The following ADGRL3 variants were observed in gnomAD, a reference collection of about 807,000 sequenced individuals.
ADGRL3 encodes calcium-independent alpha-latrotoxin receptor 3.
Under a neutral mutation model 153.5 loss-of-function variants are expected in ADGRL3, and 62 were observed. The observed-to-expected ratio is 0.40, with a 90% CI of 0.33 to 0.50. The LOEUF (loss-of-function observed/expected upper bound fraction) is 0.50. Ranked by LOEUF, ADGRL3 falls within the 20% of genes least tolerant of loss-of-function variation. The pLI is 0.47. For synonymous variants in ADGRL3, 710 were observed against 672.5 expected (o/e 1.06, Z -0.86); for missense variants, 1,641 against 1,859.4 (o/e 0.88, Z 2.16).
intron 2 of ADGRL3, among the ~76,000 whole-genome samples, chr4:61,464,701 G>A (rs1380407539): frequency 6.6e-6 from 1 of 152,058 alleles, no homozygotes; most frequent in Non-Finnish European, 1.5e-5. Flanking sequence ...GCATATAACT[G>A]ATATGGAAGA....
chr4:61,748,374 G>A (rs2096702645), intron 8 of ADGRL3, among the ~76,000 whole-genome samples: 1 of 151,770 alleles, frequency 6.6e-6, no homozygotes, highest in Non-Finnish European at 1.5e-5. Context: ...AAGTTCATAT[G>A]GAACCAAAAA....
At chr4:61,743,619 G>C (rs2096612224) in intron 8 of ADGRL3, among the ~76,000 whole-genome samples, 1 of 152,124 alleles carries the variant, frequency 6.6e-6, no homozygotes, top group Non-Finnish European at 1.5e-5. Flanking sequence ...TATTTAAATA[G>C]TAAGTGAAAG....
intron 1 of ADGRL3, among the ~76,000 whole-genome samples, chr4:61,280,218 T>C: frequency 6.7e-6 from 1 of 149,930 alleles, no homozygotes; most frequent in African/African-American, 2.4e-5. Context: ...CAAGCGATTC[T>C]CCTGACTCAG....
At chr4:61,779,228 A>T (rs951825838) in intron 8 of ADGRL3, among the ~76,000 whole-genome samples, 6 of 152,194 alleles carry the variant, frequency 3.9e-5, no homozygotes, top group Non-Finnish European at 8.8e-5. Context: ...ATGTGCATAT[A>T]GATTACACTT....
intron 11 of ADGRL3, among the ~76,000 whole-genome samples, chr4:61,905,639 G>T (rs2098691893): frequency 6.6e-6 from 1 of 152,088 alleles, no homozygotes; most frequent in Non-Finnish European, 1.5e-5. Flanking sequence ...TCACGCCTAT[G>T]ATCTCAGCAC....
At chr4:61,294,291 G>A (rs1368333425) in intron 1 of ADGRL3, among the ~76,000 whole-genome samples, 1 of 152,012 alleles carries the variant, frequency 6.6e-6, no homozygotes, top group Non-Finnish European at 1.5e-5. Context: ...TTCACTTTCA[G>A]TACAGTATTC....
intron 13 of ADGRL3, among the ~76,000 whole-genome samples, chr4:61,914,317 C>T (rs567854238): frequency 9.8e-4 from 149 of 152,170 alleles, no homozygotes; most frequent in Non-Finnish European, 1.6e-3. Flanking sequence ...TTTTCCTGAT[C>T]TATAGCTAGG....
At chr4:61,465,275 A>C (rs2097865333) in intron 2 of ADGRL3, among the ~76,000 whole-genome samples, 1 of 152,164 alleles carries the variant, frequency 6.6e-6, no homozygotes, top group Non-Finnish European at 1.5e-5. Flanking sequence ...CATTTCATTT[A>C]TTATTAAATA....
intron 5 of ADGRL3, among the ~76,000 whole-genome samples, chr4:61,660,123 T>C (rs2094552870): frequency 6.6e-6 from 1 of 152,196 alleles, no homozygotes; most frequent in Non-Finnish European, 1.5e-5. Flanking sequence ...AGTTGAATGA[T>C]ATTCCTGAAA....
At chr4:61,664,681 C>T (rs915997939) in intron 5 of ADGRL3, among the ~76,000 whole-genome samples, 2 of 152,094 alleles carry the variant, frequency 1.3e-5, no homozygotes, top group African/African-American at 4.8e-5. Context: ...ATATCATATA[C>T]ATTTAAAGTA....
chr4:61,953,057 G>A (rs138764911), intron 17 of ADGRL3, among the ~76,000 whole-genome samples: 16 of 152,198 alleles, frequency 1.1e-4, no homozygotes, highest in Admixed American at 5.2e-4. Flanking sequence ...GAATGTTAGC[G>A]ATCAATGAAA....
At chr4:61,732,496 TACAAAGGTAACAATCACAG>T (rs1168249525) in intron 7 of ADGRL3, among the ~76,000 whole-genome samples, 1 of 152,140 alleles carries the variant, frequency 6.6e-6, no homozygotes, top group East Asian at 1.9e-4. Flanking sequence ...GTAGCATATT[TACAAAGGTAACAATCACAG>T]GAATGCACAG....
intron 8 of ADGRL3, 65 bp from the exon 9 acceptor site, chr4:61,813,744 A>C (rs930312070): frequency 2.3e-5 from 36 of 1,583,524 alleles, no homozygotes; most frequent in Non-Finnish European, 3.1e-5. Context: ...ATATCATAAA[A>C]ACAATTTAAA....
rs868461388 is a variant in ADGRL3 at position 61,955,351 on chromosome 4, T to G, written c.2805+7075T>G. The stretch of plus-strand genomic sequence containing the variant: ...CTTCAAACTTTAGAACATAATAACT[T>G]AAACAAATTAAACTACATAATAATG... On this transcript the variant is annotated intron_variant, in intron 17 of 26. Transcript: ENST00000683033. Among the ~76,000 whole-genome samples the G allele has an allele frequency of 5.9e-5, 9 of 152,256 alleles. No individual in the cohort carries two copies. In the South Asian group the frequency reaches 1.0e-3, roughly 17 times the overall value.
At chr4:61,744,568 G>GT (rs1458410549) in intron 8 of ADGRL3, among the ~76,000 whole-genome samples, 4 of 152,206 alleles carry the variant, frequency 2.6e-5, no homozygotes, top group Non-Finnish European at 5.9e-5. Flanking sequence ...AAAATCCGCT[G>GT]TTCTGCAGCC....
At chr4:61,783,350 AC>A (rs1046628496) in intron 8 of ADGRL3, among the ~76,000 whole-genome samples, 5 of 152,104 alleles carry the variant, frequency 3.3e-5, no homozygotes, top group African/African-American at 1.2e-4. Context: ...ATTCCCATAG[AC>A]CTTCAGAGGT....
At chr4:61,713,019 C>A (rs1476912611) in intron 6 of ADGRL3, among the ~76,000 whole-genome samples, 1 of 152,142 alleles carries the variant, frequency 6.6e-6, no homozygotes, top group East Asian at 1.9e-4. Context: ...CCTGATATTG[C>A]AGCTGCAGCA....
At chr4:61,768,491 A>G (rs1158059625) in intron 8 of ADGRL3, among the ~76,000 whole-genome samples, 9 of 152,072 alleles carry the variant, frequency 5.9e-5, no homozygotes, top group Non-Finnish European at 8.8e-5. Flanking sequence ...ACTGATGTGT[A>G]AAAGAATGCC....
At chr4:61,760,192 C>T (rs968058225) in intron 8 of ADGRL3, among the ~76,000 whole-genome samples, 1 of 152,078 alleles carries the variant, frequency 6.6e-6, no homozygotes, top group Non-Finnish European at 1.5e-5. Flanking sequence ...AGCTGTCAGA[C>T]AGGGACATTT....
Sources: gnomAD v4.1 joint callset for allele counts (sites outside exome capture counted in the v4.1 genomes callset) on GRCh38, gnomAD v4.1.1 for gene constraint, MANE v1.5 for transcripts, NCBI Gene and HGNC (gene_info 2026-07-23, HGNC 2026-07-21) for gene names.